Variants in AGO3 observed in about 807,000 individuals in gnomAD.
AGO3 encodes the protein argonaute RISC catalytic component 3.
A neutral mutation model predicts 105.5 loss-of-function variants in AGO3; 16 were observed. The ratio of observed to expected loss-of-function variants is 0.15; its 90% CI spans 0.10 to 0.23. The LOEUF is 0.23. AGO3 is among the 10% of genes least tolerant of loss of function. The pLI is 1.00. For synonymous variants in AGO3, 340 were observed against 367.3 expected (o/e 0.93, Z 0.85); for missense variants, 534 against 1,088.0 (o/e 0.49, Z 7.16).
In AGO3 at chr1:35,981,431, C is replaced by A. The variant is rs182461534; in HGVS notation, c.658+7920C>A. ...GGACTCTTTCTTCAAAATGCAGCCA[C>A]ATCTCCTATGCCTCTCAGTAACTTA... is the stretch of plus-strand genomic sequence containing the variant. On this transcript the variant is annotated intron_variant, in intron 5 of 18. Transcript: ENST00000373191. 2.6e-5 allele frequency among the ~76,000 whole-genome samples: 4 copies of A among 152,272 alleles called. No individual in the cohort carries two copies. The East Asian group carries it at 7.7e-4, about 29-fold the overall frequency.
chr1:35,998,972 A>C (rs559109841), intron 5 of AGO3, among the ~76,000 whole-genome samples: 41 of 152,298 alleles, frequency 2.7e-4, no homozygotes, highest in Non-Finnish European at 5.3e-4. Flanking sequence ...TAGGCTTTCA[A>C]GCCTGTTCTG....
rs778334258 is a variant in AGO3, at chr1:36,008,966, T to C, written c.951T>C (p.Tyr317=). The C allele has an allele frequency of 1.1e-5, 17 of 1,613,560 alleles. No homozygotes were observed. In the Admixed American group the frequency reaches 2.7e-4, roughly 25 times the overall value. The change falls in exon 8 of 19, where the codon TAT becomes TAC. Residue 317 remains tyrosine (Y), a synonymous_variant. Transcript: ENST00000373191. The surrounding 1 kb of genome is among the most constrained non-coding windows in gnomAD (Gnocchi z 5.1). The stretch of plus-strand genomic sequence containing the variant: ...TAGCGCAGTATTTCAGAGAAAAGTA[T>C]ACTCTTCAGCTGAAGTACCCGCACC... ...RTVAQYFREK[Y]TLQLKYPHLP... is the part of the protein sequence containing the mutation.
rs1643046653 is a variant in AGO3, at chr1:36,063,259, G to T, written c.*7514G>T. 1 of 152,086 alleles carries T rather than the reference G, an allele frequency of 6.6e-6. No homozygotes were observed. The highest frequency in any genetic ancestry group is 2.1e-4 in the South Asian group (1 of 4,826). 9.4% of individuals were successfully genotyped at this position (152,086 alleles called of 1,614,324 possible). The stretch of plus-strand genomic sequence containing the variant: ...GGAGGTGGGGCTTTCCTGTAAGTTT[G>T]ATCCTTTTTTTCCCCTTTAGTAGCA... On this transcript the variant is annotated 3_prime_UTR_variant, in exon 19 of 19. Coordinates refer to ENST00000373191, the MANE Select transcript of AGO3 (RefSeq NM_024852.4).
At chr1:36,051,860 A>G (rs1477317641) in intron 17 of AGO3, among the ~76,000 whole-genome samples, 2 of 152,214 alleles carry the variant, frequency 1.3e-5, no homozygotes, top group African/African-American at 4.8e-5. Flanking sequence ...TCACCAGGGG[A>G]ATGCCAATTA....
At chr1:36,029,134 A>G (rs531151178) in intron 12 of AGO3, among the ~76,000 whole-genome samples, 4 of 152,330 alleles carry the variant, frequency 2.6e-5, no homozygotes, top group Admixed American at 2.0e-4. Context: ...AACTGAGTCT[A>G]ATATGTAAAG....
At chr1:35,979,958 G>T (rs1414192268) in intron 5 of AGO3, among the ~76,000 whole-genome samples, 7 of 151,838 alleles carry the variant, frequency 4.6e-5, no homozygotes, top group Admixed American at 3.3e-4. Flanking sequence ...CACAACCATT[G>T]GTCATGGTTT....
intron 1 of AGO3, among the ~76,000 whole-genome samples, chr1:35,940,536 A>G (rs1415305434): frequency 2.0e-5 from 3 of 151,968 alleles, no homozygotes; most frequent in Non-Finnish European, 4.4e-5. Context: ...TGCTGGTTCC[A>G]TCTTTACAAT....
At chr1:35,949,148 G>A (rs1228608193) in intron 2 of AGO3, among the ~76,000 whole-genome samples, 1 of 152,038 alleles carries the variant, frequency 6.6e-6, no homozygotes, top group Non-Finnish European at 1.5e-5. Context: ...TCTCCATGTT[G>A]GTCAGTCTGG....
chr1:36,039,697 A>G, intron 14 of AGO3, 93 bp from the exon 15 acceptor site: 1 of 922,884 alleles, frequency 1.1e-6, no homozygotes, highest in Non-Finnish European at 1.5e-6. Context: ...TGAACAGGTT[A>G]CAGTAAAATA....
intron 17 of AGO3, among the ~76,000 whole-genome samples, chr1:36,049,372 G>A (rs1473257191): frequency 6.6e-6 from 1 of 152,046 alleles, no homozygotes; most frequent in Non-Finnish European, 1.5e-5. Flanking sequence ...ACAAAAATTA[G>A]CCAGGCATGG....
intron 6 of AGO3, among the ~76,000 whole-genome samples, chr1:36,006,099 A>G (rs1318102067): frequency 6.6e-6 from 1 of 151,760 alleles, no homozygotes; most frequent in African/African-American, 2.4e-5. Context: ...CATTCCAAGT[A>G]AAATAGGGCT....
intron 17 of AGO3, among the ~76,000 whole-genome samples, chr1:36,048,404 A>T (rs1642565073): frequency 6.6e-6 from 1 of 152,180 alleles, no homozygotes; most frequent in African/African-American, 2.4e-5. Context: ...ATTTATCACC[A>T]CTAGATTCGA....
intron 1 of AGO3, among the ~76,000 whole-genome samples, chr1:35,932,867 C>G (rs922330414): frequency 3.3e-5 from 5 of 151,996 alleles, no homozygotes; most frequent in African/African-American, 1.2e-4. Context: ...AAGGTCAGAC[C>G]CTTTATTAAT....
intron 9 of AGO3, among the ~76,000 whole-genome samples, chr1:36,010,358 G>T (rs979241404): frequency 2.0e-5 from 3 of 151,978 alleles, no homozygotes; most frequent in Non-Finnish European, 4.4e-5. Context: ...ATTCCCAGCA[G>T]TTTGGGAGGC....
intron 9 of AGO3, 98 bp downstream of exon 9, chr1:36,009,692 T>G: frequency 3.3e-6 from 4 of 1,202,202 alleles, no homozygotes; most frequent in Non-Finnish European, 4.6e-6. Context: ...TTATGACCAT[T>G]TCATGGACTG....
At chr1:36,040,581 G>T (rs1245333916) in intron 16 of AGO3, 140 bp downstream of exon 16, 14 of 782,166 alleles carry the variant, frequency 1.8e-5, no homozygotes, top group South Asian at 5.8e-5. Flanking sequence ...TATGAGTATA[G>T]AAGCATCAAA....
intron 2 of AGO3, among the ~76,000 whole-genome samples, chr1:35,959,291 G>A (rs991959336): frequency 3.9e-5 from 6 of 152,140 alleles, no homozygotes; most frequent in South Asian, 2.1e-4. Flanking sequence ...AGGGTGGTAG[G>A]ATAGGCTGTA....
At chr1:35,987,449 C>A (rs150459265) in intron 5 of AGO3, among the ~76,000 whole-genome samples, 1 of 148,124 alleles carries the variant, frequency 6.8e-6, no homozygotes, top group East Asian at 2.0e-4. Flanking sequence ...GCCGAGATCA[C>A]GCCACTGCAC....
At chr1:35,971,335 T>G (rs1010453334) in intron 3 of AGO3, among the ~76,000 whole-genome samples, 6 of 150,950 alleles carry the variant, frequency 4.0e-5, no homozygotes, top group Admixed American at 2.7e-4. Flanking sequence ...AATTTTGTAT[T>G]TTTAGTAGAG....
Sources: gnomAD v4.1 joint callset for allele counts (sites outside exome capture counted in the v4.1 genomes callset) on GRCh38, gnomAD v4.1.1 for gene constraint, Gnocchi (gnomAD v3.1) non-coding constraint, MANE v1.5 for transcripts, NCBI Gene and HGNC (gene_info 2026-07-23, HGNC 2026-07-21) for gene names.